The following SHISA9 variants were observed in gnomAD, a reference collection of about 807,000 sequenced individuals.
The protein encoded by SHISA9 is shisa family member 9.
SHISA9 carries 13 observed loss-of-function variants against 38.0 expected under a neutral mutation model. The observed-to-expected ratio is 0.34, with a 90% confidence interval of 0.22 to 0.54. The LOEUF (loss-of-function observed/expected upper bound fraction) is 0.54. SHISA9 is among the 20% of genes least tolerant of loss of function. SHISA9 has a pLI of 0.91. For synonymous variants in SHISA9, 275 were observed against 242.0 expected (o/e 1.14, Z -1.27); for missense variants, 538 against 575.8 (o/e 0.93, Z 0.67).
chr16:13,399,660 C>A, the SHISA9 span, among the ~76,000 whole-genome samples: 1 of 152,196 alleles, frequency 6.6e-6, no homozygotes, highest in Non-Finnish European at 1.5e-5. Context: ...GCTCCTGCTT[C>A]TTCACCGCTG....
intron 2 of SHISA9, among the ~76,000 whole-genome samples, chr16:13,088,570 G>T (rs1474122591): frequency 6.6e-6 from 1 of 152,102 alleles, no homozygotes; most frequent in African/African-American, 2.4e-5. Flanking sequence ...TATTCTCTTT[G>T]TAGCAGTTGT....
chr16:13,531,075 A>G, the SHISA9 span, among the ~76,000 whole-genome samples: 1 of 152,196 alleles, frequency 6.6e-6, no homozygotes, highest in Non-Finnish European at 1.5e-5. Flanking sequence ...ATTATCATTG[A>G]TGCCCTGAAT....
chr16:13,380,868 G>T, the SHISA9 span, among the ~76,000 whole-genome samples: 1 of 128,840 alleles, frequency 7.8e-6, no homozygotes, highest in Non-Finnish European at 1.5e-5. Context: ...TCCCCTCCCT[G>T]TGTCCATGTG....
At chr16:13,471,862 T>C in the SHISA9 span, among the ~76,000 whole-genome samples, 1 of 152,114 alleles carries the variant, frequency 6.6e-6, no homozygotes, top group Admixed American at 6.5e-5. Flanking sequence ...GGTCAGCTAG[T>C]GTTATAGCAA....
chr16:13,396,865 C>T, the SHISA9 span, among the ~76,000 whole-genome samples: 12 of 152,240 alleles, frequency 7.9e-5, no homozygotes, highest in African/African-American at 2.9e-4. Flanking sequence ...ATTTATACTA[C>T]TTTTCATAAT....
At chr16:13,113,700 C>T (rs533411711) in intron 2 of SHISA9, among the ~76,000 whole-genome samples, 1 of 152,262 alleles carries the variant, frequency 6.6e-6, no homozygotes, top group Non-Finnish European at 1.5e-5. Context: ...TTGAGAGTGT[C>T]CTGAAAATTA....
chr16:13,449,690 T>C, the SHISA9 span, among the ~76,000 whole-genome samples: 1 of 152,210 alleles, frequency 6.6e-6, no homozygotes, highest in African/African-American at 2.4e-5. Context: ...TCCATGATAT[T>C]CACGGCAAAC....
At chr16:13,328,083 C>A in the SHISA9 span, among the ~76,000 whole-genome samples, 2 of 152,146 alleles carry the variant, frequency 1.3e-5, no homozygotes, top group African/African-American at 4.8e-5. Context: ...AGAGCAACTG[C>A]CCCTCCCACT....
intron 2 of SHISA9, among the ~76,000 whole-genome samples, chr16:13,095,190 A>G (rs1235152730): frequency 2.6e-5 from 4 of 152,200 alleles, no homozygotes; most frequent in Non-Finnish European, 5.9e-5. Flanking sequence ...TGTTTCTCAG[A>G]AGGAGATTGG....
At chr16:13,168,123 C>A (rs939247951) in intron 2 of SHISA9, among the ~76,000 whole-genome samples, 1 of 152,198 alleles carries the variant, frequency 6.6e-6, no homozygotes, top group African/African-American at 2.4e-5. Flanking sequence ...GACTTAACTT[C>A]AAGCGTGACT....
At chr16:12,906,208 G>C (rs1228338466) in intron 1 of SHISA9, among the ~76,000 whole-genome samples, 1 of 152,188 alleles carries the variant, frequency 6.6e-6, no homozygotes, top group East Asian at 1.9e-4. Flanking sequence ...CTTAATTTTT[G>C]TCTGGAGCTG....
chr16:13,402,729 G>T, the SHISA9 span, among the ~76,000 whole-genome samples: 1 of 151,932 alleles, frequency 6.6e-6, no homozygotes, highest in African/African-American at 2.4e-5. Flanking sequence ...CCCGCTAGAC[G>T]AACCCAGGAA....
chr16:13,004,546 C>A (rs2072570716), intron 2 of SHISA9, among the ~76,000 whole-genome samples: 1 of 152,118 alleles, frequency 6.6e-6, no homozygotes, highest in Admixed American at 6.5e-5. Context: ...TCTCTTGATG[C>A]TTGGTGTAGA....
At chr16:13,150,030 TAAA>T (rs35012437) in intron 2 of SHISA9, among the ~76,000 whole-genome samples, 61 of 67,666 alleles carry the variant, frequency 9.0e-4, no homozygotes, top group East Asian at 2.2e-3. Flanking sequence ...TCCTCATCAT[TAAA>T]AAAAAAAAAA....
intron 2 of SHISA9, among the ~76,000 whole-genome samples, chr16:13,130,704 T>C (rs2050298968): frequency 6.6e-6 from 1 of 152,212 alleles, no homozygotes; most frequent in Admixed American, 6.5e-5. Context: ...AGCTGGATAG[T>C]GAATATTTTA....
the SHISA9 span, among the ~76,000 whole-genome samples, chr16:13,434,427 T>TTGTTTTTTTTTG: frequency 2.7e-5 from 4 of 145,876 alleles, no homozygotes; most frequent in African/African-American, 7.5e-5. Flanking sequence ...ATGTTTTTTT[T>TTGTTTTTTTTTG]TTTTTTTTGA....
intron 2 of SHISA9, among the ~76,000 whole-genome samples, chr16:12,952,081 C>T (rs913083048): frequency 5.9e-5 from 9 of 152,176 alleles, no homozygotes; most frequent in Non-Finnish European, 1.2e-4. Context: ...ACACATTCCC[C>T]CAGCTTTTGC....
the SHISA9 span, among the ~76,000 whole-genome samples, chr16:13,303,837 C>T: frequency 6.6e-6 from 1 of 152,048 alleles, no homozygotes; most frequent in Non-Finnish European, 1.5e-5. Flanking sequence ...CAGGTAGAAC[C>T]CCAAACACAC....
intron 2 of SHISA9, among the ~76,000 whole-genome samples, chr16:13,148,265 C>G (rs547451712): frequency 6.6e-6 from 1 of 152,172 alleles, no homozygotes; most frequent in East Asian, 1.9e-4. Flanking sequence ...ATTCCCCACG[C>G]TCCGTGAAGT....
Sources: allele counts gnomAD v4.1 joint callset (sites outside exome capture counted in the v4.1 genomes callset), GRCh38; gene constraint gnomAD v4.1.1; transcripts MANE v1.5; gene names NCBI Gene and HGNC (gene_info 2026-07-23, HGNC 2026-07-21).